The following ZFYVE26 variants were observed in gnomAD, a reference collection of about 807,000 sequenced individuals.
ZFYVE26 encodes the protein zinc finger FYVE-type containing 26, also known as zinc finger FYVE domain-containing protein 26.
A neutral mutation model predicts 276.5 loss-of-function variants in ZFYVE26; 181 were observed. That is an observed-to-expected ratio of 0.65 (90% CI 0.58 to 0.74). The LOEUF is 0.74. Among genes scored for constraint, ZFYVE26 ranks in the 30% least tolerant of loss-of-function variants. ZFYVE26 has a pLI of 0.00. For missense variants in ZFYVE26, 2,821 were observed against 3,097.9 expected, an observed-to-expected ratio of 0.91 and a Z score of 2.12; for synonymous variants, 1,129 against 1,203.1, an observed-to-expected ratio of 0.94 and a Z score of 1.27.
intron 11 of ZFYVE26, 73 bp downstream of exon 11, chr14:67,797,941 A>C: frequency 6.2e-7 from 1 of 1,609,908 alleles, no homozygotes; most frequent in South Asian, 1.1e-5. Flanking sequence ...ATGTACTCCT[A>C]GCTCTCTCCC....
In ZFYVE26 at chr14:67,748,523, G is replaced by A. The variant is rs147494935; in HGVS notation, c.7533C>T (p.Ser2511=). The A allele has an allele frequency of 1.1e-3, 1,724 of 1,614,030 alleles. 4 individuals are homozygous for A. The highest frequency in any genetic ancestry group is 1.2e-3 in the Admixed American group (71 of 60,026). Reference sequence around the variant, plus strand: ...AGATGTCTTGCACTACTGCATCCCCGCTGCTCTTGGCGGCCTGCTGCACCT... The same window carrying A: ...AGATGTCTTGCACTACTGCATCCCCACTGCTCTTGGCGGCCTGCTGCACCT... ...VQQVQQAAKS[S]GDAVVQDICA... Residue 2511 remains serine (S), a synonymous_variant, in exon 42 of 42, where the codon AGC becomes AGT. Transcript: ENST00000347230.
chr14:67,785,640 T>G (rs2039629385), intron 18 of ZFYVE26, among the ~76,000 whole-genome samples: 2 of 152,106 alleles, frequency 1.3e-5, no homozygotes, highest in South Asian at 4.1e-4. Context: ...CATGAGAAAA[T>G]GTATCAGCTG....
chr14:67,806,791 T>G (rs1323260235), intron 5 of ZFYVE26, 116 bp from the exon 6 acceptor site: 4 of 1,219,202 alleles, frequency 3.3e-6, no homozygotes, highest in Non-Finnish European at 4.7e-6. Flanking sequence ...TTAGGCTGGG[T>G]TTTCCATACT....
Position 67,761,687 on chromosome 14 carries a change from A to G in ZFYVE26, c.6370-103T>C, listed in dbSNP as rs1288749679. 4 of 967,260 alleles carry G rather than the reference A, an allele frequency of 4.1e-6. No individual in the cohort carries two copies. In the East Asian group the frequency reaches 1.0e-4, roughly 25 times the overall value. The allele number at this position is 967,260 out of a possible 1,614,324, so 59.9% of individuals were successfully genotyped here. On this transcript the variant is annotated intron_variant, in intron 34 of 41. Coordinates refer to ENST00000347230, the MANE Select transcript of ZFYVE26 (RefSeq NM_015346.4). The stretch of plus-strand genomic sequence containing the variant: ...AATATTTAACAATGTGCACACCAAC[A>G]TGGCACATGTATACATATGTAACAA...
At chr14:67,805,878 A>T (rs1169054070) in intron 6 of ZFYVE26, among the ~76,000 whole-genome samples, 2 of 152,060 alleles carry the variant, frequency 1.3e-5, no homozygotes, top group Admixed American at 6.5e-5. Context: ...AAAATAGAAA[A>T]TTAGCCGGCA....
Position 67,778,140 on chromosome 14 carries a change from C to A in ZFYVE26, c.4783G>T (p.Asp1595Tyr). The A allele has an allele frequency of 1.2e-6, 2 of 1,614,204 alleles. No individual in the cohort carries two copies. Among genetic ancestry groups the A allele is most frequent in the South Asian group, 2.2e-5 (2 of 91,070 alleles). ...TGGGGGCTTACTTGCAGAGCCTTGT[C>A]ATGATCTCTTCTTTCTAGAAGGTGG... ...LLHLLERRDH[D>Y]KALQLLRRIP... The change falls in exon 24 of 42, where the codon GAC becomes TAC. Residue 1595 changes from aspartate to tyrosine, a missense_variant. By Grantham distance (160) the Asp-to-Tyr change is radical. Coordinates refer to ENST00000347230, the MANE Select transcript of ZFYVE26 (RefSeq NM_015346.4).
At position 67,772,216 on chromosome 14, in the gene ZFYVE26, A is replaced by T; in HGVS notation, c.5321-6T>A. On this transcript the variant is annotated splice_polypyrimidine_tract_variant and splice_region_variant and intron_variant, in intron 27 of 41. Transcript: ENST00000347230. ...GGAATGTATACTGGAGATACCTGGG[A>T]GGCAGAGCCAGAGGTCAGAGTAAAA... 1.9e-6 allele frequency: 3 copies of T among 1,612,314 alleles called. No individual in the cohort carries two copies. The highest frequency in any genetic ancestry group is 2.5e-6 in the Non-Finnish European group (3 of 1,179,374).
intron 41 of ZFYVE26, 57 bp from the exon 42 acceptor site, chr14:67,748,696 TAC>T: frequency 6.3e-7 from 1 of 1,589,582 alleles, no homozygotes; most frequent in Non-Finnish European, 8.6e-7. Context: ...AAATCAAGTA[TAC>T]AGAGCTGCAG....
chr14:67,757,640 GTCTT>G (rs57285258), intron 35 of ZFYVE26, among the ~76,000 whole-genome samples: 4,308 of 148,962 alleles, frequency 0.029, 86 homozygotes, highest in African/African-American at 0.049. Context: ...AGATATTTTT[GTCTT>G]TCTTTCTTTC....
chr14:67,790,586 C>T lies in ZFYVE26; in HGVS notation c.2741G>A (p.Ser914Asn), dbSNP rs2039784601. 2 of 1,613,726 alleles carry T rather than the reference C, an allele frequency of 1.2e-6. No individual in the cohort carries two copies. Among genetic ancestry groups the T allele is most frequent in the Non-Finnish European group, 1.7e-6 (2 of 1,179,938 alleles). ...SGRSTLQAIG[S>N]AAAAGMVFYS... is the part of the protein sequence containing the mutation. ...GGAAGCCTGACCTGCTGCTGCAGCGCTGCCAATGGCCTGTAGAGTTGAGCG... is the reference window on the plus strand; with the variant it reads ...GGAAGCCTGACCTGCTGCTGCAGCGTTGCCAATGGCCTGTAGAGTTGAGCG... The change falls in exon 15 of 42, where the codon AGC becomes AAC. Residue 914 changes from serine to asparagine, a missense_variant. Physicochemically the swap from Ser to Asn is conservative, Grantham distance 46. Transcript: ENST00000347230.
intron 3 of ZFYVE26, among the ~76,000 whole-genome samples, chr14:67,811,125 G>A (rs1481260976): frequency 6.6e-6 from 1 of 152,202 alleles, no homozygotes; most frequent in Admixed American, 6.5e-5. Flanking sequence ...CTGGGAAGCT[G>A]AGGATTAGTG....
chr14:67,799,157 G>A, intron 10 of ZFYVE26: 1 of 1,550,066 alleles, frequency 6.5e-7, no homozygotes, highest in South Asian at 1.1e-5. Context: ...GATATCTTTA[G>A]AGGACATTCA....
chr14:67,795,223 C>T (rs966924034), intron 12 of ZFYVE26, among the ~76,000 whole-genome samples: 2 of 152,160 alleles, frequency 1.3e-5, no homozygotes, highest in Non-Finnish European at 2.9e-5. Context: ...CTGAATGGGT[C>T]AAGTGGATGC....
intron 5 of ZFYVE26, 98 bp downstream of exon 5, chr14:67,807,300 G>C: frequency 1.3e-6 from 2 of 1,537,046 alleles, no homozygotes; most frequent in Non-Finnish European, 1.8e-6. Flanking sequence ...CCTATTAGAT[G>C]TCCTGAGCCA....
At position 67,781,399 on chromosome 14, in the gene ZFYVE26, CG is replaced by C. The variant is rs747541868; in HGVS notation, c.4502del (p.Thr1501ArgfsTer7). On this transcript the variant is annotated frameshift_variant, in exon 22 of 42. Transcript: ENST00000347230. LOFTEE classifies it high-confidence loss of function. ...LEILAYCISD[T>X]AVQEGLKCEL... ...CACACTTTAGTCCTTCTTGGACAGC[CG>C]TGTCTGAAATGCAGTAGGCCAGAAT... The C allele has an allele frequency of 6.2e-7, 1 of 1,614,216 alleles. No individual in the cohort carries two copies.
At chr14:67,751,268 T>C in intron 40 of ZFYVE26, 172 bp from the exon 41 acceptor site, 2 of 715,830 alleles carry the variant, frequency 2.8e-6, no homozygotes, top group Non-Finnish European at 4.9e-6. Flanking sequence ...TGGAGTGTAG[T>C]GGCTTTTCAC....
intron 27 of ZFYVE26, among the ~76,000 whole-genome samples, chr14:67,772,620 G>C (rs577944548): frequency 6.6e-6 from 1 of 152,304 alleles, no homozygotes; most frequent in East Asian, 1.9e-4. Context: ...CAAGAAAAGA[G>C]GCAGGGAACC....
At position 67,786,245 on chromosome 14, in the gene ZFYVE26, T is replaced by A; in HGVS notation, c.3020-12A>T. The A allele has an allele frequency of 2.0e-6, 2 of 1,020,748 alleles. No individual in the cohort carries two copies. The highest frequency in any genetic ancestry group is 2.7e-6 in the Non-Finnish European group (2 of 750,780). The allele number at this position is 1,020,748 out of a possible 1,614,324, so 63.2% of individuals were successfully genotyped here. On this transcript the variant is annotated splice_polypyrimidine_tract_variant and intron_variant, in intron 16 of 41. Coordinates refer to ENST00000347230, the MANE Select transcript of ZFYVE26 (RefSeq NM_015346.4). ...GTCTATCCGTCGACCTGGAAATAGATGAAGGAAGAGGGAATGCAAAAAAAA... is the reference window on the plus strand; with the variant it reads ...GTCTATCCGTCGACCTGGAAATAGAAGAAGGAAGAGGGAATGCAAAAAAAA...
intron 3 of ZFYVE26, among the ~76,000 whole-genome samples, chr14:67,811,922 AAT>A (rs956183625): frequency 1.4e-5 from 2 of 143,678 alleles, no homozygotes; most frequent in Non-Finnish European, 3.0e-5. Context: ...TTATATATGA[AAT>A]ATATATCACA....
Sources: gnomAD v4.1 joint callset for allele counts (sites outside exome capture counted in the v4.1 genomes callset) on GRCh38, gnomAD v4.1.1 for gene constraint, MANE v1.5 for transcripts, NCBI Gene and HGNC (gene_info 2026-07-23, HGNC 2026-07-21) for gene names.